The following STK33 variants were observed in gnomAD, a reference collection of about 807,000 sequenced individuals.
STK33 encodes the protein serine/threonine-protein kinase 33.
A neutral mutation model predicts 58.0 loss-of-function variants in STK33; 52 were observed. That is an observed-to-expected ratio of 0.90 (90% confidence interval 0.72 to 1.13). STK33 has a LOEUF of 1.13. Among genes scored for constraint, STK33 ranks in the 50% most tolerant of loss-of-function variants. The probability of loss-of-function intolerance (pLI) is 0.00; values close to 1 mark genes in which losing one functional copy is unlikely to be tolerated. For missense variants in STK33, 630 were observed against 604.2 expected, an observed-to-expected ratio of 1.04 and a Z score of -0.45; for synonymous variants, 215 against 200.1, an observed-to-expected ratio of 1.07 and a Z score of -0.63.
At chr11:8,591,664 G>C (rs1260456052) in intron 1 of STK33, among the ~76,000 whole-genome samples, 1 of 152,110 alleles carries the variant, frequency 6.6e-6, no homozygotes, top group Non-Finnish European at 1.5e-5. Flanking sequence ...CTCTCCTCCA[G>C]CTTTGAAAAT....
intron 1 of STK33, among the ~76,000 whole-genome samples, chr11:8,565,458 T>C (rs1160711020): frequency 2.6e-5 from 4 of 151,358 alleles, no homozygotes. Flanking sequence ...GATAACAGAG[T>C]TTCACAGCCG....
intron 1 of STK33, among the ~76,000 whole-genome samples, chr11:8,493,823 A>G (rs953588808): frequency 6.6e-6 from 1 of 152,248 alleles, no homozygotes; most frequent in Non-Finnish European, 1.5e-5. Flanking sequence ...AATCCATCAC[A>G]TAAACAGAAC....
rs12362364 is a variant in STK33, at chr11:8,494,802, C to A, written c.-465-14188G>T. On this transcript the variant is annotated intron_variant, in intron 1 of 15. Transcript: ENST00000687296. ...CAGAAATAACACCACACATCTACAA[C>A]CATCTGATCTTTGACAAACCTGACA... is the stretch of plus-strand genomic sequence containing the variant. Among the ~76,000 whole-genome samples the A allele has an allele frequency of 8.2e-3, 1,248 of 152,236 alleles. 11 individuals are homozygous for A. The highest frequency in any genetic ancestry group is 0.029 in the African/African-American group (1,188 of 41,520).
intron 11 of STK33, among the ~76,000 whole-genome samples, chr11:8,442,152 G>A (rs552741804): frequency 2.0e-5 from 3 of 152,160 alleles, no homozygotes; most frequent in South Asian, 4.2e-4. Flanking sequence ...GCAACAAAAA[G>A]GGGTCAAAAG....
At chr11:8,399,567 C>G (rs1213633790) in intron 15 of STK33, among the ~76,000 whole-genome samples, 1 of 152,040 alleles carries the variant, frequency 6.6e-6, no homozygotes, top group East Asian at 1.9e-4. Context: ...ACTAGAGAAG[C>G]AAGAGCAAAC....
chr11:8,380,669 A>G, the STK33 span, among the ~76,000 whole-genome samples: 1 of 152,198 alleles, frequency 6.6e-6, no homozygotes, highest in Non-Finnish European at 1.5e-5. Flanking sequence ...TACGGCCCCT[A>G]TGGAAAACAG....
At chr11:8,534,420 G>C (rs902606476) in intron 1 of STK33, among the ~76,000 whole-genome samples, 2 of 151,982 alleles carry the variant, frequency 1.3e-5, no homozygotes, top group African/African-American at 4.8e-5. Flanking sequence ...ACAAACTATA[G>C]GTCATTTTGG....
intron 1 of STK33, among the ~76,000 whole-genome samples, chr11:8,582,820 A>C (rs766209270): frequency 1.3e-5 from 2 of 152,210 alleles, no homozygotes; most frequent in Non-Finnish European, 2.9e-5. Flanking sequence ...AAAACCAATG[A>C]GATAAGTCAC....
intron 15 of STK33, 109 bp downstream of exon 15, chr11:8,413,386 C>A (rs949412013): frequency 1.7e-6 from 2 of 1,194,960 alleles, no homozygotes; most frequent in East Asian, 2.3e-5. Context: ...ATATAACGCT[C>A]GGCCTTTGTT....
At chr11:8,424,649 T>C (rs955721684) in intron 14 of STK33, among the ~76,000 whole-genome samples, 8 of 149,466 alleles carry the variant, frequency 5.4e-5, no homozygotes, top group Non-Finnish European at 3.0e-5. Context: ...CTCCAGCACC[T>C]GTTGTTTCCT....
rs568602847 is a variant in STK33 at position 8,536,753 on chromosome 11, C to CT, written c.-465-56140dup. 1.7e-3 allele frequency among the ~76,000 whole-genome samples: 251 copies of CT among 151,098 alleles called. 1 individual carries two copies. The highest frequency in any genetic ancestry group is 4.8e-3 in the South Asian group (23 of 4,778). ...ATGCTGAAATGTCCCTTTTTCTTTT[C>CT]TTTTTTTGTTGTTGTTTATTTGTTG... On this transcript the variant is annotated intron_variant, in intron 1 of 15. Transcript: ENST00000687296.
intron 15 of STK33, 63 bp from the exon 16 acceptor site, chr11:8,392,773 C>G (rs1848753386): frequency 5.8e-6 from 9 of 1,544,344 alleles, no homozygotes; most frequent in Middle Eastern, 3.8e-4. Flanking sequence ...TTCAAAGATG[C>G]AAGGAACTAC....
At chr11:8,583,689 T>C (rs2030875708) in intron 1 of STK33, among the ~76,000 whole-genome samples, 1 of 152,184 alleles carries the variant, frequency 6.6e-6, no homozygotes, top group Non-Finnish European at 1.5e-5. Context: ...ACAATAAGCA[T>C]AGTTATATAG....
At chr11:8,393,465 G>A (rs1024339618) in intron 15 of STK33, among the ~76,000 whole-genome samples, 4 of 152,190 alleles carry the variant, frequency 2.6e-5, no homozygotes, top group Non-Finnish European at 4.4e-5. Flanking sequence ...CTGTTTTGAC[G>A]TTAGGCCCAT....
chr11:8,479,610 A>G (rs1285110166), intron 2 of STK33, among the ~76,000 whole-genome samples: 1 of 152,054 alleles, frequency 6.6e-6, no homozygotes, highest in Non-Finnish European at 1.5e-5. Flanking sequence ...TGGGAGGCGG[A>G]GGCAGGCCGA....
At chr11:8,400,810 T>C (rs1368029154) in intron 15 of STK33, among the ~76,000 whole-genome samples, 3 of 152,144 alleles carry the variant, frequency 2.0e-5, no homozygotes, top group Non-Finnish European at 4.4e-5. Context: ...ATCACAAACA[T>C]TCCTATACAC....
chr11:8,391,081 C>A (rs986141956), downstream of STK33, among the ~76,000 whole-genome samples: 1 of 152,116 alleles, frequency 6.6e-6, no homozygotes, highest in African/African-American at 2.4e-5. Context: ...GCCTTTGAGA[C>A]TACTAGGGAA....
At chr11:8,365,018 C>T in the STK33 span, among the ~76,000 whole-genome samples, 1 of 144,014 alleles carries the variant, frequency 6.9e-6, no homozygotes, top group African/African-American at 2.5e-5. Context: ...GTCACAGTGT[C>T]ATGATTGGGC....
chr11:8,381,690 C>T, the STK33 span, among the ~76,000 whole-genome samples: 1 of 152,168 alleles, frequency 6.6e-6, no homozygotes, highest in Admixed American at 6.5e-5. Flanking sequence ...CAGTGAGGGG[C>T]TGGACTACCT....
Sources: gnomAD v4.1 joint callset for allele counts (sites outside exome capture counted in the v4.1 genomes callset) on GRCh38, gnomAD v4.1.1 for gene constraint, MANE v1.5 for transcripts, NCBI Gene and HGNC (gene_info 2026-07-23, HGNC 2026-07-21) for gene names.